GRIN2A: variants seen among roughly 807,000 people sequenced by gnomAD.
The protein encoded by GRIN2A is glutamate ionotropic receptor NMDA type subunit 2A, also known as glutamate receptor ionotropic, NMDA 2A.
Under a neutral mutation model 113.4 loss-of-function variants are expected in GRIN2A, and 22 were observed. That is an observed-to-expected ratio of 0.19 (90% CI 0.14 to 0.28). GRIN2A has a LOEUF of 0.28. GRIN2A is among the 10% of genes least tolerant of loss of function. The probability of loss-of-function intolerance (pLI) is 1.00; values close to 1 mark genes in which losing one functional copy is unlikely to be tolerated. For missense variants in GRIN2A, 1,502 were observed against 1,887.0 expected, an observed-to-expected ratio of 0.80 and a Z score of 3.78; for synonymous variants, 827 against 738.4, an observed-to-expected ratio of 1.12 and a Z score of -1.94.
intron 4 of GRIN2A, among the ~76,000 whole-genome samples, chr16:9,857,314 G>A (rs573281813): frequency 6.6e-6 from 1 of 152,136 alleles, no homozygotes; most frequent in Non-Finnish European, 1.5e-5. Flanking sequence ...AATAATATAC[G>A]AATTGACTCA....
intron 2 of GRIN2A, among the ~76,000 whole-genome samples, chr16:10,124,947 G>C (rs2048904284): frequency 6.6e-6 from 1 of 152,174 alleles, no homozygotes; most frequent in Admixed American, 6.5e-5. Context: ...AGTGGGAAGA[G>C]CATTCCAGGC....
At chr16:9,927,975 G>A (rs1019826627) in intron 3 of GRIN2A, among the ~76,000 whole-genome samples, 5 of 152,136 alleles carry the variant, frequency 3.3e-5, no homozygotes, top group African/African-American at 1.2e-4. Context: ...CTGACTGTGG[G>A]GATTTGGACA....
intron 2 of GRIN2A, among the ~76,000 whole-genome samples, chr16:10,122,529 C>G (rs4780817): frequency 0.76 from 115,308 of 151,920 alleles, 44,968 homozygotes; most frequent in East Asian, 1. Context: ...GCTGTCAGAT[C>G]TCTCCCAGAA....
At chr16:10,079,341 T>A (rs1249047957) in intron 2 of GRIN2A, among the ~76,000 whole-genome samples, 1 of 152,188 alleles carries the variant, frequency 6.6e-6, no homozygotes, top group Admixed American at 6.5e-5. Context: ...CTTAAGGAGT[T>A]GGCCTTTAAG....
At chr16:9,838,582 G>A (rs2042621207) in intron 7 of GRIN2A, among the ~76,000 whole-genome samples, 1 of 152,164 alleles carries the variant, frequency 6.6e-6, no homozygotes, top group South Asian at 2.1e-4. Flanking sequence ...GTGAGATGGA[G>A]GATGGGTATG....
chr16:9,901,196 A>G (rs953349718), intron 3 of GRIN2A, among the ~76,000 whole-genome samples: 22 of 152,268 alleles, frequency 1.4e-4, no homozygotes, highest in African/African-American at 5.3e-4. Context: ...GCTCAATGCA[A>G]ATTTGTGGAA....
At chr16:9,830,476 T>C (rs1336145146) in intron 8 of GRIN2A, among the ~76,000 whole-genome samples, 1 of 118,834 alleles carries the variant, frequency 8.4e-6, no homozygotes, top group Non-Finnish European at 1.7e-5. Flanking sequence ...TTGTTCTGCA[T>C]GGGCAAAAAA....
chr16:9,807,315 A>AGGGAGGGGGGG (rs2041996606), intron 10 of GRIN2A, among the ~76,000 whole-genome samples: 1 of 14,508 alleles, frequency 6.9e-5, no homozygotes. Context: ...GGAGAGGGGG[A>AGGGAGGGGGGG]AAAAGTGGGG....
chr16:10,103,494 C>T (rs916090807), intron 2 of GRIN2A, among the ~76,000 whole-genome samples: 1 of 152,160 alleles, frequency 6.6e-6, no homozygotes, highest in Non-Finnish European at 1.5e-5. Flanking sequence ...TTACTAACCC[C>T]CAAAATATTT....
chr16:10,179,906 G>T, intron 2 of GRIN2A, 92 bp downstream of exon 2: 1 of 483,736 alleles, frequency 2.1e-6, no homozygotes, highest in Non-Finnish European at 4.1e-6. Context: ...TTCACATCAA[G>T]ACAGATTCTA....
intron 3 of GRIN2A, among the ~76,000 whole-genome samples, chr16:9,928,049 A>T (rs2044503071): frequency 6.6e-6 from 1 of 152,202 alleles, no homozygotes; most frequent in African/African-American, 2.4e-5. Flanking sequence ...CCATGTAGAA[A>T]TGTGGCTGGC....
chr16:9,777,021 T>C lies in GRIN2A; in HGVS notation c.2357-7932A>G, dbSNP rs140212000. On this transcript the variant is annotated intron_variant, in intron 11 of 12. Transcript: ENST00000330684. The stretch of plus-strand genomic sequence containing the variant: ...GGAAGTTGTGTATCAGATTTGGGGA[T>C]GTGGTCTGTGGCCTTGGAGCAGAGT... 3.1e-3 allele frequency among the ~76,000 whole-genome samples: 468 copies of C among 152,242 alleles called. 4 individuals are homozygous for C. Among genetic ancestry groups the C allele is most frequent in the African/African-American group, 0.011 (438 of 41,548 alleles).
chr16:10,165,539 T>A (rs920726690), intron 2 of GRIN2A, among the ~76,000 whole-genome samples: 2 of 146,508 alleles, frequency 1.4e-5, no homozygotes, highest in African/African-American at 5.0e-5. Context: ...TATATATATA[T>A]ACTGACATAT....
At chr16:10,096,775 C>A (rs970547700) in intron 2 of GRIN2A, among the ~76,000 whole-genome samples, 1 of 152,114 alleles carries the variant, frequency 6.6e-6, no homozygotes, top group Non-Finnish European at 1.5e-5. Flanking sequence ...CTTGTACTTC[C>A]CCTACTGGTC....
chr16:10,031,267 T>C (rs1422898670), intron 2 of GRIN2A: 1 of 152,228 alleles, frequency 6.6e-6, no homozygotes, highest in Non-Finnish European at 1.5e-5. Flanking sequence ...TGTTCCCACC[T>C]CAGGGTCTTT....
At chr16:9,970,280 C>G (rs905637212) in intron 2 of GRIN2A, among the ~76,000 whole-genome samples, 1 of 152,174 alleles carries the variant, frequency 6.6e-6, no homozygotes, top group Non-Finnish European at 1.5e-5. Flanking sequence ...AGCAACAAGT[C>G]TTTAATGTAC....
At chr16:10,129,044 T>G (rs1295089455) in intron 2 of GRIN2A, among the ~76,000 whole-genome samples, 1 of 152,202 alleles carries the variant, frequency 6.6e-6, no homozygotes, top group African/African-American at 2.4e-5. Flanking sequence ...ACCTACTATG[T>G]GCATCACTTT....
At position 10,139,993 on chromosome 16, in the gene GRIN2A, G is replaced by A. The variant is rs147794336; in HGVS notation, c.414+40005C>T. Among the ~76,000 whole-genome samples the A allele has an allele frequency of 4.1e-4, 63 of 152,234 alleles. 1 individual carries two copies. The East Asian group carries it at 0.012, about 28-fold the overall frequency. ...CAGGCACCTGAGATCCAGTAAATGA[G>A]AAATAGGAATCTATAGCCCTGCTGA... is the stretch of plus-strand genomic sequence containing the variant. On this transcript the variant is annotated intron_variant, in intron 2 of 12. Transcript: ENST00000330684.
intron 2 of GRIN2A, among the ~76,000 whole-genome samples, chr16:10,033,019 G>C (rs1228454999): frequency 6.6e-6 from 1 of 152,140 alleles, no homozygotes; most frequent in Non-Finnish European, 1.5e-5. Context: ...TACCACAGGT[G>C]CCCCAGCTGG....
Sources: allele counts gnomAD v4.1 joint callset (sites outside exome capture counted in the v4.1 genomes callset), GRCh38; gene constraint gnomAD v4.1.1; transcripts MANE v1.5; gene names NCBI Gene and HGNC (gene_info 2026-07-23, HGNC 2026-07-21).